Variants in MACROD2 observed in about 807,000 individuals in gnomAD.
The protein encoded by MACROD2 is ADP-ribose glycohydrolase MACROD2.
In MACROD2, 36 loss-of-function variants were observed where a neutral mutation model predicts 70.4. The ratio of observed to expected loss-of-function variants is 0.51; its 90% CI spans 0.39 to 0.68. MACROD2 has a LOEUF of 0.68. MACROD2 is among the 30% of genes least tolerant of loss of function. The probability of loss-of-function intolerance (pLI) is 0.00; values close to 1 mark genes in which losing one functional copy is unlikely to be tolerated. For missense variants in MACROD2, 496 were observed against 538.4 expected, an observed-to-expected ratio of 0.92 and a Z score of 0.78; for synonymous variants, 172 against 178.8, an observed-to-expected ratio of 0.96 and a Z score of 0.30.
chr20:14,154,704 G>T (rs1017432943), intron 3 of MACROD2, among the ~76,000 whole-genome samples: 20 of 151,694 alleles, frequency 1.3e-4, no homozygotes, highest in African/African-American at 4.8e-4. Flanking sequence ...GAGCCACCGC[G>T]CCCAGCCTAG....
At chr20:15,695,163 A>T (rs1366397995) in intron 8 of MACROD2, among the ~76,000 whole-genome samples, 1 of 151,780 alleles carries the variant, frequency 6.6e-6, no homozygotes, top group Non-Finnish European at 1.5e-5. Flanking sequence ...ATGTCTCCAG[A>T]TTTGTTCTTT....
At chr20:14,750,064 A>G (rs945156264) in intron 5 of MACROD2, among the ~76,000 whole-genome samples, 2 of 152,154 alleles carry the variant, frequency 1.3e-5, no homozygotes, top group African/African-American at 4.8e-5. Flanking sequence ...GGTAAATTTT[A>G]TGTTGTGTGT....
intron 14 of MACROD2, 131 bp from the exon 15 acceptor site, chr20:15,986,935 T>G: frequency 9.7e-7 from 1 of 1,035,350 alleles, no homozygotes; most frequent in South Asian, 1.5e-5. Context: ...GCAATAGTGT[T>G]CAACTTGGTG....
intron 3 of MACROD2, among the ~76,000 whole-genome samples, chr20:14,276,586 C>T (rs997479404): frequency 1.3e-5 from 2 of 151,206 alleles, no homozygotes; most frequent in African/African-American, 4.9e-5. Flanking sequence ...ATGTAACTAA[C>T]CTGCACATTG....
intron 5 of MACROD2, among the ~76,000 whole-genome samples, chr20:14,831,152 A>C (rs1396850183): frequency 6.6e-6 from 1 of 152,032 alleles, no homozygotes; most frequent in Non-Finnish European, 1.5e-5. Context: ...CTGTCACCTC[A>C]CCACCTACCA....
At chr20:15,179,064 T>C (rs2076482205) in intron 5 of MACROD2, among the ~76,000 whole-genome samples, 1 of 152,204 alleles carries the variant, frequency 6.6e-6, no homozygotes, top group Non-Finnish European at 1.5e-5. Context: ...TAGGCTCCTA[T>C]ATAACCTAGA....
At chr20:14,872,424 A>G (rs572727152) in intron 5 of MACROD2, among the ~76,000 whole-genome samples, 15 of 152,230 alleles carry the variant, frequency 9.9e-5, no homozygotes, top group Admixed American at 4.6e-4. Flanking sequence ...AGGGAAAAAA[A>G]GGGTAAACAG....
At chr20:14,744,172 C>T (rs564883967) in intron 5 of MACROD2, among the ~76,000 whole-genome samples, 31 of 152,222 alleles carry the variant, frequency 2.0e-4, no homozygotes, top group African/African-American at 7.2e-4. Flanking sequence ...AGCCAGAATA[C>T]ACTAATAGAG....
intron 8 of MACROD2, among the ~76,000 whole-genome samples, chr20:15,704,941 G>A (rs2050511808): frequency 6.6e-6 from 1 of 152,166 alleles, no homozygotes; most frequent in Non-Finnish European, 1.5e-5. Context: ...GATTGAAGGT[G>A]TTCCAGTCAC....
intron 5 of MACROD2, among the ~76,000 whole-genome samples, chr20:15,211,761 T>C (rs2145948514): frequency 6.6e-6 from 1 of 152,318 alleles, no homozygotes; most frequent in Non-Finnish European, 1.5e-5. Flanking sequence ...ACCTCTTTTC[T>C]TTTTAAATTA....
At chr20:14,371,623 A>C (rs922408385) in intron 3 of MACROD2, among the ~76,000 whole-genome samples, 1 of 152,204 alleles carries the variant, frequency 6.6e-6, no homozygotes, top group African/African-American at 2.4e-5. Flanking sequence ...CTCAATTTAC[A>C]TACTTGAATA....
At chr20:15,030,804 C>A (rs1391611560) in intron 5 of MACROD2, among the ~76,000 whole-genome samples, 1 of 152,172 alleles carries the variant, frequency 6.6e-6, no homozygotes, top group East Asian at 1.9e-4. Flanking sequence ...GGCTGTGAGT[C>A]CCCCATCCTG....
intron 2 of MACROD2, among the ~76,000 whole-genome samples, chr20:14,032,630 T>C (rs1288270430): frequency 6.6e-6 from 1 of 152,206 alleles, no homozygotes; most frequent in African/African-American, 2.4e-5. Flanking sequence ...TTGCCTGTTT[T>C]TGTATTTTAA....
chr20:16,041,170 C>G, intron 15 of MACROD2, 31 bp from the exon 16 acceptor site: 2 of 1,587,570 alleles, frequency 1.3e-6, no homozygotes, highest in Non-Finnish European at 1.7e-6. Context: ...ATTCTCTATT[C>G]ATCAGGGACT....
At chr20:15,842,787 C>T (rs991682158) in intron 8 of MACROD2, among the ~76,000 whole-genome samples, 2 of 151,738 alleles carry the variant, frequency 1.3e-5, no homozygotes, top group African/African-American at 4.8e-5. Flanking sequence ...GGTTTGGACA[C>T]AGTGCATATA....
chr20:15,555,198 A>G (rs1458862111), intron 8 of MACROD2, among the ~76,000 whole-genome samples: 1 of 152,146 alleles, frequency 6.6e-6, no homozygotes, highest in East Asian at 1.9e-4. Context: ...ACAAGAGCCA[A>G]CTGCAGCCCT....
chr20:16,045,630 C>T (rs1412520239), intron 17 of MACROD2, among the ~76,000 whole-genome samples: 1 of 151,854 alleles, frequency 6.6e-6, no homozygotes, highest in Non-Finnish European at 1.5e-5. Context: ...TCACATTGCT[C>T]CTATAAATCT....
intron 5 of MACROD2, among the ~76,000 whole-genome samples, chr20:14,739,495 A>G (rs2071707979): frequency 1.3e-5 from 2 of 151,854 alleles, no homozygotes; most frequent in East Asian, 3.9e-4. Context: ...CGGGAGCAAG[A>G]TTTTTCACTG....
chr20:14,569,742 T>C (rs530754333), intron 4 of MACROD2, among the ~76,000 whole-genome samples: 4 of 152,072 alleles, frequency 2.6e-5, no homozygotes, highest in Non-Finnish European at 1.5e-5. Flanking sequence ...GAGCTTAAAC[T>C]TTAGATACTT....
Sources: gnomAD v4.1 joint callset for allele counts (sites outside exome capture counted in the v4.1 genomes callset) on GRCh38, gnomAD v4.1.1 for gene constraint, MANE v1.5 for transcripts, NCBI Gene and HGNC (gene_info 2026-07-23, HGNC 2026-07-21) for gene names.